Variants in HERC6 observed in about 807,000 individuals in gnomAD.
HERC6 encodes the protein HECT and RLD domain containing E3 ubiquitin protein ligase family member 6, also known as probable E3 ubiquitin-protein ligase HERC6.
Under a neutral mutation model 114.5 loss-of-function variants are expected in HERC6, and 101 were observed. The ratio of observed to expected loss-of-function variants is 0.88; its 90% CI spans 0.75 to 1.04. The LOEUF (loss-of-function observed/expected upper bound fraction) is 1.04, where lower values mean the gene tolerates loss of function less well. Among genes scored for constraint, HERC6 ranks in the 50% least tolerant of loss-of-function variants. The pLI, the probability that HERC6 is intolerant of heterozygous loss-of-function variation, is 0.00. For synonymous variants in HERC6, 408 were observed against 436.2 expected (o/e 0.94, Z 0.81); for missense variants, 1,133 against 1,230.9 (o/e 0.92, Z 1.19).
chr4:88,380,358 A>G lies in HERC6; in HGVS notation c.199+1238A>G, dbSNP rs1286472025. 3.0e-4 allele frequency among the ~76,000 whole-genome samples: 8 copies of G among 27,024 alleles called. No homozygotes were observed. In the South Asian group the frequency reaches 3.0e-3, roughly 10 times the overall value. The allele number at this position is 27,024 out of a possible 152,430, so 17.7% of individuals were successfully genotyped here. On this transcript the variant is annotated intron_variant, in intron 1 of 22. Coordinates refer to ENST00000264346, the MANE Select transcript of HERC6 (RefSeq NM_017912.4). Reference sequence around the variant, plus strand: ...ATAAATATATATATAATATAAATATATATATAATATATAAATATATATATA... The same window carrying G: ...ATAAATATATATATAATATAAATATGTATATAATATATAAATATATATATA...
chr4:88,418,248 A>G (rs1005757474), intron 13 of HERC6, among the ~76,000 whole-genome samples: 2 of 152,182 alleles, frequency 1.3e-5, no homozygotes, highest in Non-Finnish European at 1.5e-5. Flanking sequence ...GTATGTGTGT[A>G]AAAACTCACC....
intron 10 of HERC6, among the ~76,000 whole-genome samples, chr4:88,407,290 A>G (rs952228664): frequency 6.6e-6 from 1 of 151,628 alleles, no homozygotes; most frequent in Non-Finnish European, 1.5e-5. Flanking sequence ...ACGTTGGGCC[A>G]GGCTGGTCTC....
At chr4:88,398,276 A>G in intron 8 of HERC6, 67 bp downstream of exon 8, 1 of 922,828 alleles carries the variant, frequency 1.1e-6, no homozygotes, top group South Asian at 1.8e-5. Context: ...CGGTATTTGA[A>G]ATACTGTATT....
chr4:88,435,487 A>G (rs1297238319), intron 17 of HERC6, among the ~76,000 whole-genome samples: 1 of 152,130 alleles, frequency 6.6e-6, no homozygotes, highest in Non-Finnish European at 1.5e-5. Context: ...AACGTTCCAG[A>G]TAAAATGAAT....
At chr4:88,437,675 T>C (rs1276431447) in intron 19 of HERC6, 36 bp from the exon 20 acceptor site, 1 of 1,355,322 alleles carries the variant, frequency 7.4e-7, no homozygotes, top group Non-Finnish European at 1.0e-6. Flanking sequence ...TCAAACTTAC[T>C]TTGATATTTG....
intron 17 of HERC6, 89 bp downstream of exon 17, chr4:88,431,394 T>C: frequency 7.2e-7 from 1 of 1,392,400 alleles, no homozygotes. Flanking sequence ...GGTGTAAAAT[T>C]AGGTCATATA....
In HERC6 at chr4:88,430,569, CAAATAAATAAAT is replaced by C. The variant is rs375978104; in HGVS notation, c.2107-561_2107-550del. Among the ~76,000 whole-genome samples, 80 of 141,306 alleles carry C rather than the reference CAAATAAATAAAT, an allele frequency of 5.7e-4. No homozygotes were observed. In the South Asian group the frequency reaches 0.01, roughly 18 times the overall value. The allele number at this position is 141,306 out of a possible 152,430, so 92.7% of individuals were successfully genotyped here. A position where few individuals can be genotyped will look rare whatever the true frequency, so the allele number is the denominator to read the frequency against. Reference sequence around the variant, plus strand: ...TGGGCAGCAGAGTGAGACTCCATCTCAAATAAATAAATAAATAAATAAATAAATAAATAAATA... The same window carrying C: ...TGGGCAGCAGAGTGAGACTCCATCTCAAATAAATAAATAAATAAATAAATA... On this transcript the variant is annotated intron_variant, in intron 16 of 22. Coordinates refer to ENST00000264346, the MANE Select transcript of HERC6 (RefSeq NM_017912.4).
chr4:88,417,367 A>C, intron 12 of HERC6, 58 bp from the exon 13 acceptor site: 1 of 1,492,368 alleles, frequency 6.7e-7, no homozygotes, highest in Non-Finnish European at 9.2e-7. Context: ...CACTAGAAAC[A>C]GAGATTTGGG....
intron 3 of HERC6, among the ~76,000 whole-genome samples, chr4:88,390,409 C>CCA (rs762132948): frequency 1.6e-4 from 24 of 150,978 alleles, no homozygotes; most frequent in African/African-American, 5.1e-4. Context: ...AGTATTCTCA[C>CCA]CACACACACA....
At chr4:88,416,761 G>T (rs1229319538) in intron 12 of HERC6, among the ~76,000 whole-genome samples, 1 of 151,916 alleles carries the variant, frequency 6.6e-6, no homozygotes, top group African/African-American at 2.4e-5. Context: ...ATGTATTAAA[G>T]TTTCGTGTGT....
chr4:88,382,489 A>C (rs1048566857), intron 1 of HERC6, among the ~76,000 whole-genome samples: 2 of 152,148 alleles, frequency 1.3e-5, no homozygotes, highest in Non-Finnish European at 2.9e-5. Context: ...AAAATGGAGG[A>C]GATCCCAACT....
At chr4:88,429,593 T>C (rs1436195234) in intron 16 of HERC6, among the ~76,000 whole-genome samples, 1 of 152,146 alleles carries the variant, frequency 6.6e-6, no homozygotes, top group African/African-American at 2.4e-5. Flanking sequence ...TACAGAATAA[T>C]GACTAACTCT....
At chr4:88,408,692 G>T in intron 11 of HERC6, 75 bp downstream of exon 11, 1 of 998,970 alleles carries the variant, frequency 1.0e-6, no homozygotes, top group South Asian at 1.4e-5. Context: ...TGGGTGAGAT[G>T]GGAACTATGA....
intron 5 of HERC6, among the ~76,000 whole-genome samples, chr4:88,395,419 A>T (rs1735176623): frequency 6.6e-6 from 1 of 152,144 alleles, no homozygotes; most frequent in South Asian, 2.1e-4. Flanking sequence ...TTCTTTTTCC[A>T]GCTTTATTAT....
chr4:88,416,514 A>G (rs1736495265), intron 12 of HERC6, among the ~76,000 whole-genome samples: 1 of 152,038 alleles, frequency 6.6e-6, no homozygotes, highest in Non-Finnish European at 1.5e-5. Flanking sequence ...AGCCTACTAT[A>G]TTAATATTTT....
chr4:88,380,647 G>A (rs2110224281), intron 1 of HERC6, among the ~76,000 whole-genome samples: 1 of 149,278 alleles, frequency 6.7e-6, no homozygotes, highest in South Asian at 2.1e-4. Context: ...AACCCGGGAG[G>A]CAGAGGTTGC....
intron 11 of HERC6, among the ~76,000 whole-genome samples, chr4:88,409,705 C>T (rs1735991592): frequency 6.6e-6 from 1 of 152,166 alleles, no homozygotes; most frequent in Non-Finnish European, 1.5e-5. Flanking sequence ...TCTGTTACTA[C>T]TTCATCCTTT....
Position 88,437,786 on chromosome 4 carries a change from G to C in HERC6, c.2555+5G>C, listed in dbSNP as rs1738908750. The C allele has an allele frequency of 6.3e-7, 1 of 1,580,304 alleles. No individual in the cohort carries two copies. Among genetic ancestry groups the C allele is most frequent in the Admixed American group, 1.7e-5 (1 of 58,748 alleles). ...ACCTGTGGACCAAACCAACAAGTAA[G>C]TTTTGACAGCTAGAATATCTGTTTT... is the stretch of plus-strand genomic sequence containing the variant. On this transcript the variant is annotated splice_donor_5th_base_variant and intron_variant, in intron 20 of 22. Coordinates refer to ENST00000264346, the MANE Select transcript of HERC6 (RefSeq NM_017912.4).
chr4:88,384,884 G>T (rs556208163), intron 2 of HERC6, among the ~76,000 whole-genome samples: 16 of 152,110 alleles, frequency 1.1e-4, no homozygotes, highest in Admixed American at 1.0e-3. Flanking sequence ...ATAGCCGGAC[G>T]TTGTGGTGCA....
Sources: gnomAD v4.1 joint callset for allele counts (sites outside exome capture counted in the v4.1 genomes callset) on GRCh38, gnomAD v4.1.1 for gene constraint, MANE v1.5 for transcripts, NCBI Gene and HGNC (gene_info 2026-07-23, HGNC 2026-07-21) for gene names.